RYR3: variants seen among roughly 807,000 people sequenced by gnomAD.
RYR3 encodes brain ryanodine receptor-calcium release channel.
Under a neutral mutation model 584.3 loss-of-function variants are expected in RYR3, and 207 were observed. That is an observed-to-expected ratio of 0.35 (90% confidence interval 0.32 to 0.40). The LOEUF (loss-of-function observed/expected upper bound fraction) is 0.40, where lower values mean the gene tolerates loss of function less well. Ranked by LOEUF, RYR3 falls within the 10% of genes least tolerant of loss-of-function variation. The pLI is 1.00. For missense variants in RYR3, 5,616 were observed against 6,089.2 expected, an observed-to-expected ratio of 0.92 and a Z score of 2.59; for synonymous variants, 2,416 against 2,248.5, an observed-to-expected ratio of 1.07 and a Z score of -2.11.
intron 22 of RYR3, among the ~76,000 whole-genome samples, chr15:33,630,356 A>G (rs1469224207): frequency 6.6e-6 from 1 of 152,228 alleles, no homozygotes; most frequent in African/African-American, 2.4e-5. Flanking sequence ...AAGCATTTCT[A>G]AAACCCGTTG....
rs2152999058 is a variant in RYR3, at chr15:33,853,615, G to A, written c.13732G>A (p.Asp4578Asn). 1 of 1,613,958 alleles carries A rather than the reference G, an allele frequency of 6.2e-7. No homozygotes were observed. The stretch of plus-strand genomic sequence containing the variant: ...ACGCATTGCTGAACTTCTGGGTTTG[G>A]ACAAAAATGCTCTTGACTTTAGCCC... The part of the protein sequence containing the change: ...AERIAELLGL[D>N]KNALDFSPVE... Residue 4578 changes from aspartate (D) to asparagine (N), a missense_variant, in exon 96 of 104, where the codon GAC becomes AAC. By Grantham distance (23) the Asp-to-Asn change is conservative. Around this residue, in one of 9 missense-constraint regions of RYR3, gnomAD observed 918 missense variants for 887.4 expected, o/e 1.03. Transcript: ENST00000634891.
chr15:33,603,749 G>A (rs190259215), intron 18 of RYR3, among the ~76,000 whole-genome samples: 66 of 152,256 alleles, frequency 4.3e-4, no homozygotes, highest in African/African-American at 1.4e-3. Flanking sequence ...GACCTCATGT[G>A]ACAAACGTGT....
intron 1 of RYR3, among the ~76,000 whole-genome samples, chr15:33,328,261 G>A (rs1365118413): frequency 6.6e-6 from 1 of 152,190 alleles, no homozygotes; most frequent in African/African-American, 2.4e-5. Context: ...GTAGTATCAT[G>A]AGTTCCCTGT....
At chr15:33,768,509 AGGAT>A in intron 60 of RYR3, 145 bp from the exon 61 acceptor site, 2 of 705,906 alleles carry the variant, frequency 2.8e-6, no homozygotes, top group Non-Finnish European at 2.6e-6. Flanking sequence ...TGTGGACCAG[AGGAT>A]TCTTTGCTAG....
At chr15:33,610,571 C>A (rs1232717981) in intron 18 of RYR3, among the ~76,000 whole-genome samples, 1 of 152,142 alleles carries the variant, frequency 6.6e-6, no homozygotes, top group Non-Finnish European at 1.5e-5. Context: ...TTAGAGGGAG[C>A]TACCTAATCT....
chr15:33,855,493 C>G lies in RYR3; in HGVS notation c.14007+581C>G, dbSNP rs145974610. Among the ~76,000 whole-genome samples the G allele has an allele frequency of 1.2e-4, 19 of 152,270 alleles. No individual in the cohort carries two copies. The East Asian group carries it at 3.7e-3, about 29-fold the overall frequency. On this transcript the variant is annotated intron_variant, in intron 98 of 103. Coordinates refer to ENST00000634891, the MANE Select transcript of RYR3 (RefSeq NM_001036.6). ...TGCTGGGATTACAGGTGTGAGCCATCGTGCCCGGCCGGAGATCTTTTTAAG... is the reference window on the plus strand; with the variant it reads ...TGCTGGGATTACAGGTGTGAGCCATGGTGCCCGGCCGGAGATCTTTTTAAG...
At chr15:33,666,291 A>G (rs998595718) in intron 36 of RYR3, among the ~76,000 whole-genome samples, 2 of 152,222 alleles carry the variant, frequency 1.3e-5, no homozygotes, top group African/African-American at 2.4e-5. Context: ...GGTGTGAGCC[A>G]CTGTGCCCAG....
chr15:33,537,751 G>C (rs930644037), intron 5 of RYR3, among the ~76,000 whole-genome samples: 4 of 152,210 alleles, frequency 2.6e-5, no homozygotes, highest in African/African-American at 9.7e-5. Context: ...ATGCACCTTA[G>C]AGTGGGTTTC....
Position 33,613,210 on chromosome 15 carries a change from T to C in RYR3, c.2192T>C (p.Ile731Thr). 1.2e-6 allele frequency: 2 copies of C among 1,613,852 alleles called. No individual in the cohort carries two copies. The highest frequency in any genetic ancestry group is 1.7e-6 in the Non-Finnish European group (2 of 1,179,830). ...SGRIPRAVAS[I>T]NQHLLRSDDV... The stretch of plus-strand genomic sequence containing the variant: ...CGGATACCCAGAGCTGTGGCTTCCA[T>C]CAACCAGCACCTCCTGAGATCGGAT... The change falls in exon 19 of 104, where the codon ATC becomes ACC. Residue 731 changes from isoleucine (I) to threonine (T), a missense_variant. Ile to Thr is a moderately conservative substitution (Grantham distance 89). Transcript: ENST00000634891.
intron 1 of RYR3, among the ~76,000 whole-genome samples, chr15:33,403,229 T>C (rs1433207826): frequency 2.0e-5 from 3 of 151,436 alleles, no homozygotes; most frequent in Non-Finnish European, 3.0e-5. Flanking sequence ...TTTTCAACCA[T>C]GTATAGGTAG....
intron 87 of RYR3, 112 bp from the exon 88 acceptor site, chr15:33,836,794 G>C (rs1307612663): frequency 1.4e-6 from 1 of 715,584 alleles, no homozygotes; most frequent in African/African-American, 1.8e-5. Flanking sequence ...GCTCTTTCCC[G>C]ACACTGATGC....
In RYR3 at chr15:33,678,762, C is replaced by G. The variant is rs76730125; in HGVS notation, c.5860+8206C>G. Among the ~76,000 whole-genome samples the G allele has an allele frequency of 5.3e-3, 810 of 152,344 alleles. 6 individuals carry two copies. Among genetic ancestry groups the G allele is most frequent in the African/African-American group, 0.018 (766 of 41,588 alleles). ...TCACGCGCCTCGAGGGGTCTGACAG[C>G]CAGTGCCTGTTCCTGTGCCCTGATA... is the stretch of plus-strand genomic sequence containing the variant. On this transcript the variant is annotated intron_variant, in intron 38 of 103. Transcript: ENST00000634891.
intron 53 of RYR3, among the ~76,000 whole-genome samples, chr15:33,747,798 A>G (rs1401132485): frequency 2.6e-5 from 4 of 152,078 alleles, no homozygotes; most frequent in Admixed American, 6.5e-5. Flanking sequence ...CATTTTGACA[A>G]TCTTCAACAA....
At chr15:33,579,882 C>A in intron 12 of RYR3, 94 bp from the exon 13 acceptor site, 1 of 906,866 alleles carries the variant, frequency 1.1e-6, no homozygotes, top group Non-Finnish European at 1.6e-6. Context: ...TCATGGTGCA[C>A]CGTGGGGGGC....
At chr15:33,476,219 A>G (rs2049361129) in intron 2 of RYR3, among the ~76,000 whole-genome samples, 1 of 152,190 alleles carries the variant, frequency 6.6e-6, no homozygotes, top group Non-Finnish European at 1.5e-5. Flanking sequence ...TACCCGAGCT[A>G]GATTAGAAAC....
chr15:33,833,576 G>C (rs1420397638), intron 86 of RYR3, among the ~76,000 whole-genome samples: 2 of 152,200 alleles, frequency 1.3e-5, no homozygotes. Context: ...GGAGATCATT[G>C]AATATATTTG....
intron 85 of RYR3, 118 bp from the exon 86 acceptor site, chr15:33,830,845 C>T: frequency 9.8e-7 from 1 of 1,022,688 alleles, no homozygotes; most frequent in East Asian, 2.6e-5. Context: ...GTCCCTGGCT[C>T]CTGTCAGAGC....
intron 1 of RYR3, among the ~76,000 whole-genome samples, chr15:33,343,488 C>T (rs1331320976): frequency 6.6e-6 from 1 of 152,094 alleles, no homozygotes; most frequent in African/African-American, 2.4e-5. Context: ...TTTATGCCTC[C>T]TCCCATCCCC....
chr15:33,372,306 C>T (rs2040391058), intron 1 of RYR3, among the ~76,000 whole-genome samples: 1 of 151,888 alleles, frequency 6.6e-6, no homozygotes, highest in Non-Finnish European at 1.5e-5. Context: ...ATTCTCCTGC[C>T]TCAGCCTTCT....
Sources: gnomAD v4.1 joint callset for allele counts (sites outside exome capture counted in the v4.1 genomes callset) on GRCh38, gnomAD v4.1.1 for gene constraint, gnomAD v4.1.1 regional missense constraint, MANE v1.5 for transcripts, NCBI Gene and HGNC (gene_info 2026-07-23, HGNC 2026-07-21) for gene names.